Variants in FBXL22 observed in about 807,000 individuals in gnomAD.
FBXL22 encodes F-box and leucine-rich protein 22.
Under a neutral mutation model 11.7 loss-of-function variants are expected in FBXL22, and 13 were observed. That is an observed-to-expected ratio of 1.11 (90% CI 0.73 to 1.77). The LOEUF (loss-of-function observed/expected upper bound fraction) is 1.77. Ranked by LOEUF, FBXL22 falls within the 40% of genes most tolerant of loss-of-function variation. The pLI is 0.00. For synonymous variants in FBXL22, 160 were observed against 144.1 expected, an observed-to-expected ratio of 1.11 and a Z score of -0.79; for missense variants, 406 against 320.4, an observed-to-expected ratio of 1.27 and a Z score of -2.04.
intron 1 of FBXL22, chr15:63,600,077 C>A (rs968898765): frequency 2.0e-6 from 2 of 985,640 alleles, no homozygotes; most frequent in Non-Finnish European, 2.4e-6. Flanking sequence ...CTGCTCAGGG[C>A]TTGCCTCTAG....
intron 1 of FBXL22, chr15:63,600,265 C>CGT: frequency 1.0e-6 from 1 of 995,188 alleles, no homozygotes. Flanking sequence ...CACTCACGTC[C>CGT]CGCCGGGACA....
chr15:63,599,721 G>T, intron 1 of FBXL22: 1 of 987,164 alleles, frequency 1.0e-6, no homozygotes, highest in Non-Finnish European at 1.2e-6. Flanking sequence ...AAAGGGAAAC[G>T]CTTCCCCAGC....
At chr15:63,604,793 G>A (rs2067405592), downstream of FBXL22, among the ~76,000 whole-genome samples, 1 of 152,172 alleles carries the variant, frequency 6.6e-6, no homozygotes. Flanking sequence ...AGTGGCTCAC[G>A]CCTGTAATCC....
Position 63,598,334 on chromosome 15 carries a change from G to A in FBXL22, c.353+589G>A, listed in dbSNP as rs1374774801. ...GGTGGTATGATTTGCCCAGTCTAGG[G>A]TTGCCAGATTTTAGCAAATATATAG... On this transcript the variant is annotated intron_variant, in intron 1 of 1. Transcript: ENST00000638704. Among the ~76,000 whole-genome samples the A allele has an allele frequency of 2.6e-5, 4 of 152,200 alleles. No homozygotes were observed. In the East Asian group the frequency reaches 7.7e-4, roughly 29 times the overall value.
intron 1 of FBXL22, chr15:63,599,768 G>A (rs187605606): frequency 1.0e-6 from 1 of 986,322 alleles, no homozygotes; most frequent in East Asian, 1.1e-4. Flanking sequence ...GGGAGCCAAG[G>A]CCCCGGCCCA....
the FBXL22 span, among the ~76,000 whole-genome samples, chr15:63,608,444 T>C: frequency 6.6e-6 from 1 of 152,196 alleles, no homozygotes; most frequent in African/African-American, 2.4e-5. Flanking sequence ...CACGGTTCTC[T>C]GATACGTTAT....
At chr15:63,600,598 C>T in intron 1 of FBXL22, 99 bp from the exon 2 acceptor site, 1 of 1,230,078 alleles carries the variant, frequency 8.1e-7, no homozygotes, top group Non-Finnish European at 1.0e-6. Flanking sequence ...CCTCGCAGGG[C>T]CCGAGTCCTC....
At chr15:63,598,950 G>C (rs2067319544) in intron 1 of FBXL22, among the ~76,000 whole-genome samples, 1 of 152,200 alleles carries the variant, frequency 6.6e-6, no homozygotes, top group African/African-American at 2.4e-5. Flanking sequence ...CCCCAAACCT[G>C]CAAGGTGTGA....
intron 1 of FBXL22, chr15:63,600,230 C>T (rs1424317038): frequency 3.0e-6 from 3 of 988,426 alleles, no homozygotes; most frequent in Non-Finnish European, 3.6e-6. Flanking sequence ...ACTAGGCCAC[C>T]TCCAAGGAAA....
chr15:63,602,239 T>A (rs948766459), downstream of FBXL22: 2 of 152,586 alleles, frequency 1.3e-5, no homozygotes, highest in Admixed American at 6.5e-5. Flanking sequence ...TCTGTTCTCA[T>A]GAAGCTTACC....
chr15:63,607,634 T>C, the FBXL22 span, among the ~76,000 whole-genome samples: 4 of 152,360 alleles, frequency 2.6e-5, no homozygotes, highest in South Asian at 8.3e-4. Context: ...CAAAACCTTA[T>C]TTTTCTTTTA....
chr15:63,605,148 A>C (rs1205008938), downstream of FBXL22, among the ~76,000 whole-genome samples: 2 of 152,190 alleles, frequency 1.3e-5, no homozygotes, highest in African/African-American at 4.8e-5. Context: ...TAATTAATCC[A>C]CCAACTAATT....
rs771188216 is a variant in FBXL22 at position 63,597,651 on chromosome 15, A to T, written c.259A>T (p.Ser87Cys). 3.1e-6 allele frequency: 5 copies of T among 1,613,004 alleles called. No individual in the cohort carries two copies. Among genetic ancestry groups the T allele is most frequent in the Non-Finnish European group, 4.2e-6 (5 of 1,179,866 alleles). Residue 87 changes from serine to cysteine, a missense_variant, in exon 1 of 2, where the codon AGC (serine) becomes TGC (cysteine). Transcript: ENST00000638704. This position sits in a 1 kb window ranked among gnomAD's most constrained non-coding sequence, Gnocchi z 4.3. Reference protein sequence around the residue: ...CWHSSRVQVCSIEDWLKSAFQ... With the variant: ...CWHSSRVQVCCIEDWLKSAFQ... Reference sequence around the variant, plus strand: ...GCACTCCAGCCGCGTGCAGGTGTGCAGCATTGAGGACTGGCTCAAGAGTGC... The same window carrying T: ...GCACTCCAGCCGCGTGCAGGTGTGCTGCATTGAGGACTGGCTCAAGAGTGC...
chr15:63,600,971 A>C lies in FBXL22; in HGVS notation c.628A>C (p.Met210Leu). 8.4e-7 allele frequency: 1 copy of C among 1,192,702 alleles called. No homozygotes were observed. The highest frequency in any genetic ancestry group is 4.2e-5 in the South Asian group (1 of 24,066). 73.9% of individuals were successfully genotyped at this position (1,192,702 alleles called of 1,614,324 possible). The change falls in exon 2 of 2, where the codon ATG (methionine) becomes CTG (leucine). Residue 210 changes from methionine to leucine, a missense_variant. By Grantham distance (15) the Met-to-Leu change is conservative (BLOSUM62 2). Coordinates refer to ENST00000638704, the MANE Select transcript of FBXL22 (RefSeq NM_001367807.1). Reference protein sequence around the residue: ...LALRAEHSAAMLPDQPPRPRA... With the variant: ...LALRAEHSAALLPDQPPRPRA... ...CCTGCGGGCAGAGCACAGCGCCGCC[A>C]TGCTGCCCGACCAGCCCCCGCGCCC...
At chr15:63,603,448 T>C (rs2067396477), downstream of FBXL22, among the ~76,000 whole-genome samples, 1 of 152,254 alleles carries the variant, frequency 6.6e-6, no homozygotes, top group South Asian at 2.1e-4. Context: ...TTCTTGTTAA[T>C]TCAAGCATCT....
downstream of FBXL22, among the ~76,000 whole-genome samples, chr15:63,604,097 G>A (rs545059554): frequency 2.0e-5 from 3 of 152,210 alleles, no homozygotes; most frequent in Admixed American, 2.0e-4. Context: ...GACAACAACA[G>A]GATCCTGGCT....
chr15:63,607,629 C>A, the FBXL22 span, among the ~76,000 whole-genome samples: 1 of 152,208 alleles, frequency 6.6e-6, no homozygotes, highest in East Asian at 1.9e-4. Context: ...GCTGGCAAAA[C>A]CTTATTTTTC....
At chr15:63,605,173 T>A (rs2067407356), downstream of FBXL22, among the ~76,000 whole-genome samples, 1 of 152,232 alleles carries the variant, frequency 6.6e-6, no homozygotes, top group South Asian at 2.1e-4. Flanking sequence ...TCACAAGCAT[T>A]TACTGGGTAT....
chr15:63,606,157 G>T (rs1306985005), downstream of FBXL22, among the ~76,000 whole-genome samples: 1 of 152,164 alleles, frequency 6.6e-6, no homozygotes, highest in East Asian at 1.9e-4. Flanking sequence ...TTGGATTCTT[G>T]GTTTATAAAG....
Sources: gnomAD v4.1 joint callset for allele counts (sites outside exome capture counted in the v4.1 genomes callset) on GRCh38, gnomAD v4.1.1 for gene constraint, Gnocchi (gnomAD v3.1) non-coding constraint, MANE v1.5 for transcripts, NCBI Gene and HGNC (gene_info 2026-07-23, HGNC 2026-07-21) for gene names.